Variants in VPS41 observed in about 807,000 individuals in gnomAD.
VPS41 encodes vacuolar protein sorting-associated protein 41 homolog.
VPS41 carries 85 observed loss-of-function variants against 130.9 expected under a neutral mutation model. That is an observed-to-expected ratio of 0.65 (90% CI 0.55 to 0.78). The LOEUF (loss-of-function observed/expected upper bound fraction) is 0.78, where lower values mean the gene tolerates loss of function less well. Among genes scored for constraint, VPS41 ranks in the 30% least tolerant of loss-of-function variants. VPS41 has a pLI of 0.00. For missense variants in VPS41, 874 were observed against 1,018.7 expected (o/e 0.86, Z 1.93); for synonymous variants, 335 against 332.9 (o/e 1.01, Z -0.07).
chr7:38,886,380 T>C (rs149402218), intron 2 of VPS41, among the ~76,000 whole-genome samples: 63 of 152,320 alleles, frequency 4.1e-4, no homozygotes, highest in Middle Eastern at 3.4e-3. Context: ...ACCATGCCCA[T>C]GGAGCCTTAC....
Position 38,745,495 on chromosome 7 carries a change from T to A in VPS41, c.1981+64A>T. On this transcript the variant is annotated intron_variant, in intron 23 of 28. Transcript: ENST00000310301. Reference sequence around the variant, plus strand: ...AAAACCTATGTCCTTTCTTACACAATTTACTTCATGTTGTCATCCCATTTC... The same window carrying A: ...AAAACCTATGTCCTTTCTTACACAAATTACTTCATGTTGTCATCCCATTTC... 4 of 1,325,020 alleles carry A rather than the reference T, an allele frequency of 3.0e-6. No homozygotes were observed. The South Asian group carries it at 4.8e-5, about 16-fold the overall frequency. 82.1% of individuals were successfully genotyped at this position (1,325,020 alleles called of 1,614,324 possible).
rs1250077668 is a variant in VPS41, at chr7:38,795,451, A to G, written c.717+14T>C. On this transcript the variant is annotated intron_variant, in intron 9 of 28. Coordinates refer to ENST00000310301, the MANE Select transcript of VPS41 (RefSeq NM_014396.4). ...ATAACAACACGGACTTATTATAAAG[A>G]CAAGCAAAACCACCTTGACAGAAGT... is the stretch of plus-strand genomic sequence containing the variant. 6.2e-7 allele frequency: 1 copy of G among 1,607,452 alleles called. No homozygotes were observed. The highest frequency in any genetic ancestry group is 2.2e-5 in the East Asian group (1 of 44,716).
At chr7:38,817,391 G>A (rs1785074565) in intron 7 of VPS41, among the ~76,000 whole-genome samples, 1 of 152,124 alleles carries the variant, frequency 6.6e-6, no homozygotes, top group African/African-American at 2.4e-5. Flanking sequence ...ATCACCTGAG[G>A]TCAAGAGTTC....
At chr7:38,853,270 T>A (rs929513369) in intron 4 of VPS41, among the ~76,000 whole-genome samples, 6 of 151,886 alleles carry the variant, frequency 4.0e-5, no homozygotes, top group African/African-American at 1.5e-4. Context: ...ATACAAAAAA[T>A]TAGCTGGGCA....
chr7:38,792,183 A>G (rs922103890), intron 9 of VPS41, among the ~76,000 whole-genome samples: 2 of 152,168 alleles, frequency 1.3e-5, no homozygotes, highest in African/African-American at 4.8e-5. Flanking sequence ...CCTGTCTCAT[A>G]GGTAGGAAGT....
At chr7:38,832,781 T>C (rs1010387615) in intron 4 of VPS41, among the ~76,000 whole-genome samples, 1 of 152,158 alleles carries the variant, frequency 6.6e-6, no homozygotes, top group African/African-American at 2.4e-5. Flanking sequence ...CATGGTTCAG[T>C]CCTTGCACCT....
At chr7:38,891,024 GA>G (rs35524306) in intron 2 of VPS41, among the ~76,000 whole-genome samples, 94,922 of 151,746 alleles carry the variant, frequency 0.63, 30,949 homozygotes, top group East Asian at 0.9. Context: ...ATATCTCAAG[GA>G]AAAAAAAGTG....
intron 6 of VPS41, among the ~76,000 whole-genome samples, chr7:38,820,942 C>T (rs201765900): frequency 2.9e-4 from 44 of 150,820 alleles, no homozygotes; most frequent in Non-Finnish European, 4.7e-4. Context: ...TGTGTGTGTG[C>T]GTGCGTGTGT....
rs77229707 is a variant in VPS41 at position 38,821,209 on chromosome 7, G to T, written c.378C>A (p.Pro126=). The T allele has an allele frequency of 0.015, 24,610 of 1,612,810 alleles. 244 individuals carry two copies. Among genetic ancestry groups the T allele is most frequent in the African/African-American group, 0.043 (3,250 of 74,936 alleles). The change falls in exon 6 of 29, where the codon CCC becomes CCA. Residue 126 remains proline, a synonymous_variant. Coordinates refer to ENST00000310301, the MANE Select transcript of VPS41 (RefSeq NM_014396.4). The part of the protein sequence containing the change: ...GEEFHETFDC[P]IKIIAVHPHF... ...AAACTTGCTGAATACTTACTTTAAT[G>T]GGACAGTCAAAAGTCTCGTGAAATT...
intron 7 of VPS41, among the ~76,000 whole-genome samples, chr7:38,799,931 A>G (rs996207820): frequency 6.6e-6 from 1 of 152,148 alleles, no homozygotes; most frequent in Non-Finnish European, 1.5e-5. Flanking sequence ...TGGGGGGTAC[A>G]GTGGAGTATG....
At chr7:38,787,433 C>A (rs1784460231) in intron 10 of VPS41, among the ~76,000 whole-genome samples, 1 of 152,086 alleles carries the variant, frequency 6.6e-6, no homozygotes, top group Non-Finnish European at 1.5e-5. Context: ...TTTAACAATG[C>A]AATTTGAAAG....
intron 10 of VPS41, among the ~76,000 whole-genome samples, chr7:38,784,656 G>C (rs1784407449): frequency 1.4e-5 from 2 of 140,178 alleles, no homozygotes; most frequent in Admixed American, 1.4e-4. Context: ...GGGGGAGTTA[G>C]GGGGAAGGAG....
intron 4 of VPS41, among the ~76,000 whole-genome samples, chr7:38,850,961 G>T (rs976209769): frequency 1.3e-5 from 2 of 152,098 alleles, no homozygotes; most frequent in Non-Finnish European, 2.9e-5. Context: ...TAACCTAACT[G>T]CAGGGAAATG....
chr7:38,783,732 G>A (rs572792224), intron 10 of VPS41, among the ~76,000 whole-genome samples: 4 of 151,700 alleles, frequency 2.6e-5, no homozygotes, highest in East Asian at 1.9e-4. Flanking sequence ...CAACCTCTTC[G>A]TTTCATTTAA....
chr7:38,873,447 T>C (rs1300231076), intron 2 of VPS41, among the ~76,000 whole-genome samples: 2 of 138,272 alleles, frequency 1.4e-5, no homozygotes, highest in East Asian at 4.5e-4. Flanking sequence ...AAAAAAATAA[T>C]AATAATAGAA....
In VPS41 at chr7:38,856,273, C is replaced by T. The variant is rs574950206; in HGVS notation, c.246+6272G>A. Among the ~76,000 whole-genome samples the T allele has an allele frequency of 2.6e-5, 4 of 152,272 alleles. No homozygotes were observed. In the East Asian group the frequency reaches 5.8e-4, roughly 22 times the overall value. The stretch of plus-strand genomic sequence containing the variant: ...TCCTGGGCTCAAGTGACCCTCCTGT[C>T]GTAGCCTCCTGAGTTTACACCATGC... On this transcript the variant is annotated intron_variant, in intron 4 of 28. Coordinates refer to ENST00000310301, the MANE Select transcript of VPS41 (RefSeq NM_014396.4).
chr7:38,886,166 G>GC (rs1293663387), intron 2 of VPS41, among the ~76,000 whole-genome samples: 1 of 152,068 alleles, frequency 6.6e-6, no homozygotes, highest in African/African-American at 2.4e-5. Flanking sequence ...AGTGGGTGCA[G>GC]CCCACAGAGG....
intron 8 of VPS41, 31 bp from the exon 9 acceptor site, chr7:38,795,642 T>C (rs1316530116): frequency 6.3e-7 from 1 of 1,588,308 alleles, no homozygotes; most frequent in South Asian, 1.1e-5. Flanking sequence ...AAGCATCCTC[T>C]ACTCAGGAGG....
intron 25 of VPS41, among the ~76,000 whole-genome samples, chr7:38,739,332 G>A (rs544839307): frequency 3.3e-5 from 5 of 152,198 alleles, no homozygotes; most frequent in African/African-American, 9.6e-5. Context: ...GAATAGGGTT[G>A]CTAATTTTTT....
Sources: gnomAD v4.1 joint callset for allele counts (sites outside exome capture counted in the v4.1 genomes callset) on GRCh38, gnomAD v4.1.1 for gene constraint, MANE v1.5 for transcripts, NCBI Gene and HGNC (gene_info 2026-07-23, HGNC 2026-07-21) for gene names.